RSRC1: variants seen among roughly 807,000 people sequenced by gnomAD.
RSRC1 encodes serine/Arginine-related protein 53.
A neutral mutation model predicts 49.1 loss-of-function variants in RSRC1; 39 were observed. That is an observed-to-expected ratio of 0.79 (90% CI 0.61 to 1.04). The LOEUF (loss-of-function observed/expected upper bound fraction) is 1.04, where lower values mean the gene tolerates loss of function less well. Among genes scored for constraint, RSRC1 ranks in the 50% least tolerant of loss-of-function variants. The pLI, the probability that RSRC1 is intolerant of heterozygous loss-of-function variation, is 0.00. For missense variants in RSRC1, 388 were observed against 402.4 expected, an observed-to-expected ratio of 0.96 and a Z score of 0.31; for synonymous variants, 143 against 130.8, an observed-to-expected ratio of 1.09 and a Z score of -0.63.
chr3:158,230,176 G>A (rs1413405455), intron 4 of RSRC1, among the ~76,000 whole-genome samples: 1 of 151,790 alleles, frequency 6.6e-6, no homozygotes, highest in Non-Finnish European at 1.5e-5. Context: ...CCTCAATTTG[G>A]GTTTGTCTAA....
intron 7 of RSRC1, among the ~76,000 whole-genome samples, chr3:158,474,219 G>A (rs140271438): frequency 1.8e-4 from 27 of 152,124 alleles, no homozygotes; most frequent in East Asian, 3.9e-4. Flanking sequence ...AGACCATTCC[G>A]ATAAAGCAAA....
At chr3:158,412,088 C>T (rs1043992816) in intron 6 of RSRC1, among the ~76,000 whole-genome samples, 1 of 151,958 alleles carries the variant, frequency 6.6e-6, no homozygotes, top group African/African-American at 2.4e-5. Context: ...TTCGTGTTTA[C>T]AAGAAAAAAT....
intron 6 of RSRC1, among the ~76,000 whole-genome samples, chr3:158,440,215 G>A (rs1736307314): frequency 6.6e-6 from 1 of 151,906 alleles, no homozygotes; most frequent in Admixed American, 6.6e-5. Flanking sequence ...AAGTGTAAAG[G>A]ATATGAGATG....
At chr3:158,521,267 G>A (rs1023956928) in intron 7 of RSRC1, among the ~76,000 whole-genome samples, 1 of 152,056 alleles carries the variant, frequency 6.6e-6, no homozygotes, top group Non-Finnish European at 1.5e-5. Flanking sequence ...CTAGTCACCA[G>A]CAGATCTCCA....
chr3:158,436,277 G>A (rs1736037270), intron 6 of RSRC1, among the ~76,000 whole-genome samples: 1 of 151,898 alleles, frequency 6.6e-6, no homozygotes, highest in Non-Finnish European at 1.5e-5. Context: ...AGGAATTAAT[G>A]TGGACTGAGA....
intron 5 of RSRC1, among the ~76,000 whole-genome samples, chr3:158,336,277 C>A (rs1433256134): frequency 1.3e-5 from 2 of 152,160 alleles, no homozygotes; most frequent in African/African-American, 4.8e-5. Flanking sequence ...TCTTTCTTGG[C>A]AGCATTGTTT....
chr3:158,428,450 A>G (rs1381383097), intron 6 of RSRC1, among the ~76,000 whole-genome samples: 1 of 151,852 alleles, frequency 6.6e-6, no homozygotes. Flanking sequence ...CCCTAAGGTC[A>G]CTTAATAATT....
chr3:158,152,315 G>A lies in RSRC1; in HGVS notation c.320+28324G>A, dbSNP rs1717592025. On this transcript the variant is annotated intron_variant, in intron 3 of 9. Coordinates refer to ENST00000611884, the MANE Select transcript of RSRC1 (RefSeq NM_001271838.2). The stretch of plus-strand genomic sequence containing the variant: ...GTGACCAACCATCTTGGCTTGCCGG[G>A]GACTTTGTTTTAGCACTGAAAGTTC... Among the ~76,000 whole-genome samples the A allele has an allele frequency of 3.3e-5, 5 of 152,102 alleles. No homozygotes were observed. In the South Asian group the frequency reaches 1.0e-3, roughly 32 times the overall value.
chr3:158,222,663 T>C (rs1722293146), intron 4 of RSRC1, among the ~76,000 whole-genome samples: 2 of 151,638 alleles, frequency 1.3e-5, no homozygotes, highest in Admixed American at 1.3e-4. Flanking sequence ...TCTTAAATTG[T>C]TTGACCATTA....
chr3:158,400,785 G>A lies in RSRC1; in HGVS notation c.583+45877G>A, dbSNP rs555827223. 1.7e-3 allele frequency among the ~76,000 whole-genome samples: 258 copies of A among 152,114 alleles called. 2 individuals carry two copies. The highest frequency in any genetic ancestry group is 3.2e-3 in the Non-Finnish European group (217 of 67,950). On this transcript the variant is annotated intron_variant, in intron 6 of 9. Transcript: ENST00000611884. ...AGTTAAAAGTTTATAAAGTAAAAAA[G>A]TTACAGTAGATAGATTGCCTAAGTA...
At chr3:158,324,404 C>A (rs1235974860) in intron 5 of RSRC1, among the ~76,000 whole-genome samples, 2 of 152,084 alleles carry the variant, frequency 1.3e-5, no homozygotes, top group Non-Finnish European at 2.9e-5. Flanking sequence ...CACGACAGGC[C>A]CCGGTGTGTG....
chr3:158,205,435 A>G (rs116195928), intron 4 of RSRC1, among the ~76,000 whole-genome samples: 219 of 152,262 alleles, frequency 1.4e-3, no homozygotes, highest in African/African-American at 5.1e-3. Context: ...TTAATTGTTC[A>G]GTCAACAGTA....
intron 4 of RSRC1, among the ~76,000 whole-genome samples, chr3:158,247,255 G>T (rs141374473): frequency 1.3e-5 from 2 of 152,122 alleles, no homozygotes; most frequent in East Asian, 3.9e-4. Context: ...TAAACTGGCT[G>T]TCAGCTCCTG....
At chr3:158,175,922 A>G (rs924966083) in intron 3 of RSRC1, among the ~76,000 whole-genome samples, 9 of 152,120 alleles carry the variant, frequency 5.9e-5, no homozygotes, top group Admixed American at 4.6e-4. Context: ...TGAATCAGCT[A>G]TTGAAGCTTG....
intron 7 of RSRC1, among the ~76,000 whole-genome samples, chr3:158,515,928 G>A (rs1344754568): frequency 1.3e-4 from 19 of 151,100 alleles, no homozygotes; most frequent in Admixed American, 6.6e-4. Flanking sequence ...CGTAGTTCTC[G>A]AGCCTTGGTT....
At chr3:158,146,519 G>T (rs1717128545) in intron 3 of RSRC1, among the ~76,000 whole-genome samples, 1 of 152,154 alleles carries the variant, frequency 6.6e-6, no homozygotes, top group Non-Finnish European at 1.5e-5. Flanking sequence ...TGTGCTGCTG[G>T]GTTCGGTTTG....
intron 6 of RSRC1, among the ~76,000 whole-genome samples, chr3:158,381,950 A>G (rs919069939): frequency 3.3e-5 from 5 of 152,166 alleles, no homozygotes; most frequent in African/African-American, 1.2e-4. Flanking sequence ...TTTTTGTTCA[A>G]TAGTAAATTA....
chr3:158,432,861 CTATA>C (rs746387928), intron 6 of RSRC1, among the ~76,000 whole-genome samples: 49 of 151,336 alleles, frequency 3.2e-4, no homozygotes, highest in Non-Finnish European at 6.9e-4. Flanking sequence ...TCTAGAAATA[CTATA>C]TATATATACA....
intron 3 of RSRC1, among the ~76,000 whole-genome samples, chr3:158,164,019 G>C (rs1413646685): frequency 6.6e-6 from 1 of 152,006 alleles, no homozygotes; most frequent in Non-Finnish European, 1.5e-5. Flanking sequence ...TTAAATGTGG[G>C]AACACAAGCC....
Sources: gnomAD v4.1 joint callset for allele counts (sites outside exome capture counted in the v4.1 genomes callset) on GRCh38, gnomAD v4.1.1 for gene constraint, MANE v1.5 for transcripts, NCBI Gene and HGNC (gene_info 2026-07-23, HGNC 2026-07-21) for gene names.